Variants in CLYBL observed in about 807,000 individuals in gnomAD.
The protein encoded by CLYBL is citramalyl-CoA lyase.
CLYBL carries 31 observed loss-of-function variants against 38.9 expected under a neutral mutation model. That is an observed-to-expected ratio of 0.80 (90% CI 0.60 to 1.08). The LOEUF is 1.08. Among genes scored for constraint, CLYBL ranks in the 50% least tolerant of loss-of-function variants. CLYBL has a pLI of 0.00. For missense variants in CLYBL, 434 were observed against 411.6 expected, an observed-to-expected ratio of 1.05 and a Z score of -0.47; for synonymous variants, 171 against 158.6, an observed-to-expected ratio of 1.08 and a Z score of -0.59.
At chr13:99,672,611 C>CA (rs74323182) in intron 1 of CLYBL, among the ~76,000 whole-genome samples, 2,153 of 135,196 alleles carry the variant, frequency 0.016, 45 homozygotes, top group African/African-American at 0.053. Context: ...CCATCTCTAC[C>CA]AAAAAAAAAA....
chr13:99,733,059 G>A (rs533647352), intron 1 of CLYBL, among the ~76,000 whole-genome samples: 240 of 152,170 alleles, frequency 1.6e-3, no homozygotes, highest in Non-Finnish European at 2.8e-3. Flanking sequence ...TATTTAATTC[G>A]CATCTGTTAT....
At chr13:99,838,709 C>T (rs986373509) in intron 2 of CLYBL, among the ~76,000 whole-genome samples, 3 of 152,206 alleles carry the variant, frequency 2.0e-5, no homozygotes, top group African/African-American at 7.2e-5. Flanking sequence ...AATCTTGGCT[C>T]ACTGCAAGCT....
At chr13:99,653,222 T>C (rs2047280705) in intron 1 of CLYBL, among the ~76,000 whole-genome samples, 1 of 152,282 alleles carries the variant, frequency 6.6e-6, no homozygotes, top group Non-Finnish European at 1.5e-5. Context: ...ACTTCAGATG[T>C]TGTTTTCTAA....
intron 1 of CLYBL, 99 bp downstream of exon 1, chr13:99,606,856 C>T: frequency 3.1e-6 from 4 of 1,282,680 alleles, no homozygotes; most frequent in Non-Finnish European, 3.9e-6. Flanking sequence ...CCCAAGCCCT[C>T]ACGGGAACCC....
chr13:99,789,894 C>A (rs944738798), intron 2 of CLYBL, among the ~76,000 whole-genome samples: 4 of 152,130 alleles, frequency 2.6e-5, no homozygotes, highest in African/African-American at 9.7e-5. Context: ...GTATTGGGTG[C>A]ATATATATTT....
chr13:99,842,433 A>G (rs914229417), intron 2 of CLYBL, among the ~76,000 whole-genome samples: 1 of 152,212 alleles, frequency 6.6e-6, no homozygotes, highest in East Asian at 1.9e-4. Context: ...CCTGAACCCC[A>G]TCAATGAACA....
chr13:99,636,413 C>T (rs74547807), intron 1 of CLYBL, among the ~76,000 whole-genome samples: 1 of 152,134 alleles, frequency 6.6e-6, no homozygotes, highest in East Asian at 1.9e-4. Flanking sequence ...GAGGTGGGAC[C>T]TGGTGAGCCT....
At chr13:99,815,219 C>T (rs563027401) in intron 2 of CLYBL, among the ~76,000 whole-genome samples, 102 of 152,140 alleles carry the variant, frequency 6.7e-4, no homozygotes, top group African/African-American at 2.3e-3. Flanking sequence ...AAATCAAATC[C>T]GGGAAAGGAG....
chr13:99,676,186 G>GTCCGTCCCT (rs1459044000), intron 1 of CLYBL, among the ~76,000 whole-genome samples: 13 of 132,994 alleles, frequency 9.8e-5, no homozygotes, highest in African/African-American at 3.3e-4. Context: ...CCCTCCGTCC[G>GTCCGTCCCT]TCCTTCCTTC....
chr13:99,819,103 T>C (rs1364509636), intron 2 of CLYBL, among the ~76,000 whole-genome samples: 1 of 151,986 alleles, frequency 6.6e-6, no homozygotes, highest in Non-Finnish European at 1.5e-5. Flanking sequence ...TCCAGCACTT[T>C]GGGAGGCTGA....
At chr13:99,646,241 T>A (rs1171870356) in intron 1 of CLYBL, among the ~76,000 whole-genome samples, 2 of 152,180 alleles carry the variant, frequency 1.3e-5, no homozygotes, top group African/African-American at 4.8e-5. Context: ...CAGTAGTAAA[T>A]CTACTTGTAC....
chr13:99,653,486 A>G (rs1215855223), intron 1 of CLYBL, among the ~76,000 whole-genome samples: 3 of 152,006 alleles, frequency 2.0e-5, no homozygotes, highest in East Asian at 1.9e-4. Flanking sequence ...GCCTCCCTCT[A>G]CTCATCCAAA....
chr13:99,855,991 G>A (rs912002523), intron 2 of CLYBL, among the ~76,000 whole-genome samples: 2 of 152,140 alleles, frequency 1.3e-5, no homozygotes, highest in African/African-American at 4.8e-5. Flanking sequence ...AGTGTAAAGA[G>A]CTTGGTTTCC....
At chr13:99,887,313 A>G (rs924964670) in intron 7 of CLYBL, among the ~76,000 whole-genome samples, 4 of 152,192 alleles carry the variant, frequency 2.6e-5, no homozygotes, top group Non-Finnish European at 5.9e-5. Context: ...CCAGGCCCCT[A>G]AGAGCACAGG....
chr13:99,812,856 G>A (rs536684783), intron 2 of CLYBL, among the ~76,000 whole-genome samples: 3 of 152,172 alleles, frequency 2.0e-5, no homozygotes, highest in Non-Finnish European at 4.4e-5. Context: ...GGGGCCAAGG[G>A]GGGGCCCTGT....
chr13:99,833,341 A>C (rs1487857920), intron 2 of CLYBL, among the ~76,000 whole-genome samples: 1 of 151,690 alleles, frequency 6.6e-6, no homozygotes, highest in Non-Finnish European at 1.5e-5. Context: ...GTGCCCGGCC[A>C]GTAGTTTATA....
intron 1 of CLYBL, among the ~76,000 whole-genome samples, chr13:99,754,417 A>C (rs34206687): frequency 0.42 from 38,659 of 92,020 alleles, 4,249 homozygotes; most frequent in East Asian, 0.47. Flanking sequence ...ACCCTGTCTC[A>C]AAAAAAAAAA....
At chr13:99,716,233 C>T (rs914487056) in intron 1 of CLYBL, among the ~76,000 whole-genome samples, 1 of 104,080 alleles carries the variant, frequency 9.6e-6, no homozygotes, top group African/African-American at 3.6e-5. Context: ...CTATGTTGCT[C>T]AGGCTGGGCT....
rs1165919560 is a variant in CLYBL, at chr13:99,748,429, G to GTT, written c.63-24368_63-24367dup. 4.5e-3 allele frequency among the ~76,000 whole-genome samples: 394 copies of GTT among 87,682 alleles called. 80 individuals are homozygous for GTT. Among genetic ancestry groups the GTT allele is most frequent in the African/African-American group, 0.016 (306 of 18,734 alleles). The allele number at this position is 87,682 out of a possible 152,430, so 57.5% of individuals were successfully genotyped here. The stretch of plus-strand genomic sequence containing the variant: ...CTGGCAACTATCACTCTAGTTTTGT[G>GTT]TTTTTTTTTTTTTTTTTTTTTTTTT... On this transcript the variant is annotated intron_variant, in intron 1 of 8. Coordinates refer to ENST00000339105, the MANE Select transcript of CLYBL (RefSeq NM_206808.5).
Sources: gnomAD v4.1 joint callset for allele counts (sites outside exome capture counted in the v4.1 genomes callset) on GRCh38, gnomAD v4.1.1 for gene constraint, MANE v1.5 for transcripts, NCBI Gene and HGNC (gene_info 2026-07-23, HGNC 2026-07-21) for gene names.